RIF1: variants seen among roughly 807,000 people sequenced by gnomAD.
The protein encoded by RIF1 is replication timing regulatory factor 1, also known as telomere-associated protein RIF1.
In RIF1, 45 loss-of-function variants were observed where a neutral mutation model predicts 247.1. The observed-to-expected ratio is 0.18, with a 90% CI of 0.14 to 0.23. The LOEUF (loss-of-function observed/expected upper bound fraction) is 0.23. Ranked by LOEUF, RIF1 falls within the 10% of genes least tolerant of loss-of-function variation. The pLI, the probability that RIF1 is intolerant of heterozygous loss-of-function variation, is 1.00. For synonymous variants in RIF1, 1,087 were observed against 978.8 expected, an observed-to-expected ratio of 1.11 and a Z score of -2.06; for missense variants, 2,967 against 2,862.5, an observed-to-expected ratio of 1.04 and a Z score of -0.83.
intron 11 of RIF1, among the ~76,000 whole-genome samples, chr2:151,436,597 A>T (rs1239836874): frequency 4.6e-5 from 7 of 151,660 alleles, no homozygotes; most frequent in Non-Finnish European, 1.0e-4. Context: ...TATGTATGTC[A>T]TTGAAAGACA....
At position 151,463,119 on chromosome 2, in the gene RIF1, G is replaced by A. The variant is rs1013199033; in HGVS notation, c.3599G>A (p.Ser1200Asn). ...STENSFVVSS[S>N]SVSNTTVAGT... ...GAAAATTCTTTCGTTGTCAGCAGTAGTTCAGTTTCTAATACCACTGTTGCT... is the reference window on the plus strand; with the variant it reads ...GAAAATTCTTTCGTTGTCAGCAGTAATTCAGTTTCTAATACCACTGTTGCT... The change falls in exon 30 of 36, where the codon AGT (serine) becomes AAT (asparagine). Residue 1200 changes from serine to asparagine, a missense_variant. Physicochemically the swap from Ser to Asn is conservative, Grantham distance 46 (BLOSUM62 1). Transcript: ENST00000444746. 10 of 1,614,060 alleles carry A rather than the reference G, an allele frequency of 6.2e-6. No homozygotes were observed. The highest frequency in any genetic ancestry group is 8.5e-6 in the Non-Finnish European group (10 of 1,179,936).
At chr2:151,460,595 C>T (rs1252917393) in intron 26 of RIF1, among the ~76,000 whole-genome samples, 1 of 152,156 alleles carries the variant, frequency 6.6e-6, no homozygotes, top group Non-Finnish European at 1.5e-5. Flanking sequence ...CTTCCATGAC[C>T]TCCAGTAAAG....
At chr2:151,503,250 CAG>C (rs2066111968) in intron 12 of RIF1, 2 of 868,750 alleles carry the variant, frequency 2.3e-6, no homozygotes, top group Non-Finnish European at 3.7e-6. Context: ...CAGACACACA[CAG>C]AATTGCTGTT....
At chr2:151,419,062 A>C (rs940785647) in intron 6 of RIF1, among the ~76,000 whole-genome samples, 1 of 143,454 alleles carries the variant, frequency 7.0e-6, no homozygotes, top group African/African-American at 2.6e-5. Context: ...GGATCATTCT[A>C]CTGTCTCCCA....
At chr2:151,454,749 TATG>T (rs1694916596) in intron 21 of RIF1, 143 bp from the exon 22 acceptor site, 2 of 575,412 alleles carry the variant, frequency 3.5e-6, no homozygotes, top group Non-Finnish European at 6.0e-6. Flanking sequence ...TACATTATGT[TATG>T]ATTTGTTTGG....
chr2:151,471,802 A>G (rs1014728541), intron 34 of RIF1, among the ~76,000 whole-genome samples: 1 of 152,120 alleles, frequency 6.6e-6, no homozygotes, highest in Non-Finnish European at 1.5e-5. Context: ...GTCAGGTAGC[A>G]TGATGTCTCC....
At chr2:151,518,400 T>G in the RIF1 span, 1 of 1,609,536 alleles carries the variant, frequency 6.2e-7, no homozygotes, top group Non-Finnish European at 8.5e-7. Context: ...TTTACTCTTC[T>G]CATACTTCTT....
chr2:151,443,098 G>A (rs906702104), intron 16 of RIF1, among the ~76,000 whole-genome samples, 161 bp from the exon 17 acceptor site: 11 of 151,760 alleles, frequency 7.2e-5, no homozygotes, highest in African/African-American at 2.7e-4. Flanking sequence ...TTTGTGTGCA[G>A]TATATGGAAA....
chr2:151,518,270 C>T, the RIF1 span: 2 of 1,317,614 alleles, frequency 1.5e-6, no homozygotes, highest in East Asian at 4.6e-5. Flanking sequence ...TCACATTGTA[C>T]TGTGGATGAA....
chr2:151,499,760 G>A (rs1323619830), intron 11 of RIF1, among the ~76,000 whole-genome samples: 1 of 152,110 alleles, frequency 6.6e-6, no homozygotes, highest in Non-Finnish European at 1.5e-5. Flanking sequence ...TTTGTCTTAC[G>A]GTCTAACAAA....
At chr2:151,436,261 C>T (rs929333451) in intron 11 of RIF1, among the ~76,000 whole-genome samples, 12 of 151,836 alleles carry the variant, frequency 7.9e-5, no homozygotes, top group Non-Finnish European at 1.3e-4. Context: ...AACACTTCAG[C>T]CAGGTGCAGT....
rs1328506202 is a variant in RIF1 at position 151,468,505 on chromosome 2, C to T, written c.6779C>T (p.Ser2260Phe). The change falls in exon 32 of 36, where the codon TCC becomes TTC. Residue 2260 changes from serine (S) to phenylalanine (F), a missense_variant. Physicochemically the swap from Ser to Phe is radical, Grantham distance 155. This residue lies in a region of RIF1 where 2,028 missense variants were observed against 1,825.6 expected (regional missense o/e 1.11). Transcript: ENST00000444746. ...ACCACTTCAGCCAAAGGATTTCTGT[C>T]CCCAGGATCACGTAGCCCTAAATTT... is the stretch of plus-strand genomic sequence containing the variant. The part of the protein sequence containing the change: ...HNTTSAKGFL[S>F]PGSRSPKFKS... The T allele has an allele frequency of 1.9e-6, 3 of 1,613,486 alleles. No individual in the cohort carries two copies. Among genetic ancestry groups the T allele is most frequent in the Non-Finnish European group, 2.5e-6 (3 of 1,179,494 alleles).
At chr2:151,482,810 A>T (rs1326839506), downstream of RIF1, among the ~76,000 whole-genome samples, 1 of 152,178 alleles carries the variant, frequency 6.6e-6, no homozygotes, top group Non-Finnish European at 1.5e-5. Flanking sequence ...GAGGTCTGAG[A>T]TATGGTATCA....
At chr2:151,432,690 A>G (rs1001916836) in intron 9 of RIF1, among the ~76,000 whole-genome samples, 3 of 152,152 alleles carry the variant, frequency 2.0e-5, no homozygotes, top group African/African-American at 7.2e-5. Flanking sequence ...GTGCTGGATA[A>G]TTTGTTTTTC....
intron 34 of RIF1, among the ~76,000 whole-genome samples, chr2:151,473,313 TTA>T: frequency 6.8e-6 from 1 of 147,378 alleles, no homozygotes. Context: ...TTTTTTTTTT[TTA>T]AATACAGTGT....
chr2:151,475,224 G>T lies in RIF1; in HGVS notation c.*153G>T. 2 of 604,614 alleles carry T rather than the reference G, an allele frequency of 3.3e-6. No homozygotes were observed. The highest frequency in any genetic ancestry group is 5.7e-6 in the Non-Finnish European group (2 of 348,126). The allele number at this position is 604,614 out of a possible 1,614,324, so 37.5% of individuals were successfully genotyped here. A position where few individuals can be genotyped will look rare whatever the true frequency, so the allele number is the denominator to read the frequency against. On this transcript the variant is annotated 3_prime_UTR_variant, in exon 36 of 36. Coordinates refer to ENST00000444746, the MANE Select transcript of RIF1 (RefSeq NM_018151.5). ...TGAAGGACAGTGACTTATTATGTAA[G>T]TTCAATTTTGTAAGTTCATTATGTA... is the stretch of plus-strand genomic sequence containing the variant.
At chr2:151,497,947 AT>A (rs1052214323) in intron 10 of RIF1, 21 of 1,437,804 alleles carry the variant, frequency 1.5e-5, no homozygotes, top group African/African-American at 4.3e-5. Context: ...TATCCATGTT[AT>A]TTTTTTTCAT....
chr2:151,492,591 C>T lies in RIF1; in HGVS notation c.*416-2638C>T, dbSNP rs117227069. 2.2e-3 allele frequency: 1,856 copies of T among 857,324 alleles called. 24 individuals carry two copies. In the East Asian group the frequency reaches 0.029, roughly 13 times the overall value. 53.1% of individuals were successfully genotyped at this position (857,324 alleles called of 1,614,324 possible). On this transcript the variant is annotated intron_variant and NMD_transcript_variant, in intron 9 of 13. Transcript: ENST00000454583. Reference sequence around the variant, plus strand: ...GAGATGGATAGGAGCTGGTGAGGGACGCTTGGGTCAACTGAAGGGGCCCAG... The same window carrying T: ...GAGATGGATAGGAGCTGGTGAGGGATGCTTGGGTCAACTGAAGGGGCCCAG...
intron 24 of RIF1, 102 bp from the exon 25 acceptor site, chr2:151,458,709 G>A (rs570575529): frequency 9.3e-5 from 46 of 497,220 alleles, no homozygotes; most frequent in African/African-American, 8.4e-4. Flanking sequence ...AAATAAAGAT[G>A]TATTTTGCTG....
Sources: allele counts gnomAD v4.1 joint callset (sites outside exome capture counted in the v4.1 genomes callset), GRCh38; gene constraint gnomAD v4.1.1; regional missense constraint gnomAD v4.1.1; transcripts MANE v1.5; gene names NCBI Gene and HGNC (gene_info 2026-07-23, HGNC 2026-07-21).